Variants in STAT4 observed in about 807,000 individuals in gnomAD.
STAT4 encodes the protein signal transducer and activator of transcription 4.
In STAT4, 42 loss-of-function variants were observed where a neutral mutation model predicts 110.5. That is an observed-to-expected ratio of 0.38 (90% CI 0.30 to 0.49). The LOEUF is 0.49. Among genes scored for constraint, STAT4 ranks in the 20% least tolerant of loss-of-function variants. STAT4 has a pLI of 0.95. For synonymous variants in STAT4, 284 were observed against 302.2 expected (o/e 0.94, Z 0.63); for missense variants, 632 against 887.9 (o/e 0.71, Z 3.66).
upstream of STAT4, chr2:191,151,249 T>C (rs1420393959): frequency 3.0e-6 from 3 of 985,586 alleles, no homozygotes; most frequent in Non-Finnish European, 3.6e-6. This position sits in a 1 kb window ranked among gnomAD's most constrained non-coding sequence, Gnocchi z 4.7. Flanking sequence ...GGCTCAGCAG[T>C]GCCAGGAAAA....
intron 3 of STAT4, among the ~76,000 whole-genome samples, chr2:191,103,960 GT>G (rs1237452137): frequency 9.2e-5 from 14 of 152,126 alleles, no homozygotes; most frequent in Non-Finnish European, 1.5e-5. Flanking sequence ...AAAAATAGAT[GT>G]AGCTTCATTT....
intron 3 of STAT4, among the ~76,000 whole-genome samples, chr2:191,089,606 T>C (rs1164125916): frequency 6.6e-6 from 1 of 152,194 alleles, no homozygotes; most frequent in African/African-American, 2.4e-5. Context: ...AACCTACACA[T>C]GGATGTTTAT....
intron 14 of STAT4, chr2:191,041,804 G>A (rs1574700925): frequency 6.6e-6 from 1 of 152,314 alleles, no homozygotes; most frequent in Non-Finnish European, 1.5e-5. Context: ...TGTGCTGTAA[G>A]AGCCCCAGCT....
In STAT4 at chr2:191,029,674, C is replaced by T; in HGVS notation, c.*166G>A. On this transcript the variant is annotated 3_prime_UTR_variant, in exon 24 of 24. Transcript: ENST00000392320. This position sits in a 1 kb window ranked among gnomAD's most constrained non-coding sequence, Gnocchi z 4.5. ...TTTCAAGCATTTCAGTCACAACACT[C>T]CCAATTGAGGAGTGCCACGGGAGTG... 3.1e-6 allele frequency: 2 copies of T among 643,402 alleles called. No individual in the cohort carries two copies. Among genetic ancestry groups the T allele is most frequent in the Non-Finnish European group, 2.7e-6 (1 of 373,986 alleles). 39.9% of individuals were successfully genotyped at this position (643,402 alleles called of 1,614,324 possible).
At chr2:191,068,604 G>T (rs1159694340) in intron 6 of STAT4, 2 of 152,072 alleles carry the variant, frequency 1.3e-5, no homozygotes, top group Non-Finnish European at 2.9e-5. Flanking sequence ...TCTGTAAATG[G>T]AAAGTTTATA....
At position 191,033,560 on chromosome 2, in the gene STAT4, G is replaced by A; in HGVS notation, c.1782C>T (p.Thr594=). ...GGCTTTCACTGAATCTTAATAAAAA[G>A]GTGCCAGGCATTTTATCCTTTAGCA... ...RLLLKDKMPG[T]FLLRFSESHL... is the part of the protein sequence containing the mutation. Residue 594 remains threonine, a synonymous_variant, in exon 20 of 24, where the codon ACC becomes ACT. Coordinates refer to ENST00000392320, the MANE Select transcript of STAT4 (RefSeq NM_003151.4). The surrounding 1 kb of genome is among the most constrained non-coding windows in gnomAD (Gnocchi z 6.9). 1 of 1,613,976 alleles carries A rather than the reference G, an allele frequency of 6.2e-7. No individual in the cohort carries two copies.
rs1420821883 is a variant in STAT4, at chr2:191,050,689, G to C, written c.1251+3801C>G. Among the ~76,000 whole-genome samples the C allele has an allele frequency of 6.6e-6, 1 of 152,030 alleles. No homozygotes were observed. Among genetic ancestry groups the C allele is most frequent in the Non-Finnish European group, 1.5e-5 (1 of 68,018 alleles). ...AAATAAAGCTGCCTTGATAGAAACA[G>C]GCATGAGGGAGCCAGAGCTCCACAT... is the stretch of plus-strand genomic sequence containing the variant. On this transcript the variant is annotated intron_variant, in intron 14 of 23. Coordinates refer to ENST00000392320, the MANE Select transcript of STAT4 (RefSeq NM_003151.4). The surrounding 1 kb of genome is among the most constrained non-coding windows in gnomAD (Gnocchi z 4.3).
intron 14 of STAT4, among the ~76,000 whole-genome samples, chr2:191,045,944 T>A (rs771604941): frequency 6.6e-6 from 1 of 152,194 alleles, no homozygotes; most frequent in Non-Finnish European, 1.5e-5. Flanking sequence ...TTAAATAAGT[T>A]GCTCTTTCTT....
intron 14 of STAT4, among the ~76,000 whole-genome samples, chr2:191,049,158 T>C (rs1488173911): frequency 6.8e-6 from 1 of 147,486 alleles, no homozygotes; most frequent in Non-Finnish European, 1.5e-5. Flanking sequence ...TATTAACAAA[T>C]GGTAATAGCT....
Position 191,146,503 on chromosome 2 carries a change from AT to A in STAT4, c.273+109del. On this transcript the variant is annotated intron_variant, in intron 3 of 23. Coordinates refer to ENST00000392320, the MANE Select transcript of STAT4 (RefSeq NM_003151.4). This position sits in a 1 kb window ranked among gnomAD's most constrained non-coding sequence, Gnocchi z 4.5. ...AATTTGTAAGTGGTAAGACAACTCA[AT>A]TTTCCCCTAAATTTCATTTGAAAAT... 9.2e-7 allele frequency: 1 copy of A among 1,084,882 alleles called. No homozygotes were observed. Among genetic ancestry groups the A allele is most frequent in the Non-Finnish European group, 1.2e-6 (1 of 837,530 alleles). 67.2% of individuals were successfully genotyped at this position (1,084,882 alleles called of 1,614,324 possible).
At chr2:191,072,067 T>G (rs961229117) in intron 5 of STAT4, among the ~76,000 whole-genome samples, 2 of 152,150 alleles carry the variant, frequency 1.3e-5, no homozygotes, top group Admixed American at 6.6e-5. Context: ...AGCCATTGGC[T>G]GTCAATACTC....
At position 191,146,192 on chromosome 2, in the gene STAT4, T is replaced by A. The variant is rs1699454763; in HGVS notation, c.273+421A>T. On this transcript the variant is annotated intron_variant, in intron 3 of 23. Coordinates refer to ENST00000392320, the MANE Select transcript of STAT4 (RefSeq NM_003151.4). This position sits in a 1 kb window ranked among gnomAD's most constrained non-coding sequence, Gnocchi z 4.5. ...AGAACACTTTTAAAGGAGTGTGAGA[T>A]CTGAACCAAATCTGTAAGAATACAT... 6.6e-6 allele frequency among the ~76,000 whole-genome samples: 1 copy of A among 152,130 alleles called. No individual in the cohort carries two copies. The highest frequency in any genetic ancestry group is 1.5e-5 in the Non-Finnish European group (1 of 68,012).
At chr2:191,049,167 C>CTTTTTTT (rs11410725) in intron 14 of STAT4, among the ~76,000 whole-genome samples, 5 of 104,150 alleles carry the variant, frequency 4.8e-5, no homozygotes, top group African/African-American at 1.1e-4. Context: ...ATGGTAATAG[C>CTTTTTTT]TTTTTTTTTT....
At chr2:191,136,005 G>GAAAAAAAAAAAAAAAAAA (rs745380203) in intron 3 of STAT4, among the ~76,000 whole-genome samples, 2 of 79,784 alleles carry the variant, frequency 2.5e-5, no homozygotes, top group African/African-American at 1.0e-4. Context: ...CAGCATCTCA[G>GAAAAAAAAAAAAAAAAAA]AAAAAAAAAA....
chr2:191,097,608 C>G (rs1698029344), intron 3 of STAT4, among the ~76,000 whole-genome samples: 1 of 152,140 alleles, frequency 6.6e-6, no homozygotes, highest in Non-Finnish European at 1.5e-5. Context: ...ACACCTTACA[C>G]AAAAATTAAT....
At chr2:191,124,823 G>C (rs1698834070) in intron 3 of STAT4, among the ~76,000 whole-genome samples, 1 of 152,124 alleles carries the variant, frequency 6.6e-6, no homozygotes. Flanking sequence ...CACAAGTCCA[G>C]AACATATTCT....
At chr2:191,098,501 A>T (rs976508530) in intron 3 of STAT4, among the ~76,000 whole-genome samples, 28 of 152,134 alleles carry the variant, frequency 1.8e-4, no homozygotes, top group African/African-American at 6.8e-4. Context: ...TTCTGAGCAA[A>T]CCAGCACAAG....
intron 3 of STAT4, among the ~76,000 whole-genome samples, chr2:191,100,155 A>G (rs1698114512): frequency 6.6e-6 from 1 of 152,224 alleles, no homozygotes; most frequent in Non-Finnish European, 1.5e-5. Context: ...CAATCTGAAG[A>G]AATAAAACCA....
At chr2:191,087,296 C>T (rs889221431) in intron 3 of STAT4, among the ~76,000 whole-genome samples, 2 of 152,184 alleles carry the variant, frequency 1.3e-5, no homozygotes, top group Non-Finnish European at 2.9e-5. Context: ...CCAAAGCTAT[C>T]AGCTTGCCTT....
Sources: allele counts gnomAD v4.1 joint callset (sites outside exome capture counted in the v4.1 genomes callset), GRCh38; gene constraint gnomAD v4.1.1; non-coding constraint Gnocchi (gnomAD v3.1); transcripts MANE v1.5; gene names NCBI Gene and HGNC (gene_info 2026-07-23, HGNC 2026-07-21).